C6: variants seen among roughly 807,000 people sequenced by gnomAD.
C6 encodes the protein complement component C6.
In C6, 101 loss-of-function variants were observed where a neutral mutation model predicts 112.9. The observed-to-expected ratio is 0.89, with a 90% CI of 0.76 to 1.06. The LOEUF is 1.06. Among genes scored for constraint, C6 ranks in the 50% least tolerant of loss-of-function variants. The probability of loss-of-function intolerance (pLI) is 0.00; values close to 1 mark genes in which losing one functional copy is unlikely to be tolerated. For missense variants in C6, 1,202 were observed against 1,104.6 expected, an observed-to-expected ratio of 1.09 and a Z score of -1.25; for synonymous variants, 431 against 384.1, an observed-to-expected ratio of 1.12 and a Z score of -1.43.
chr5:41,173,341 T>C (rs1448946991), intron 8 of C6, among the ~76,000 whole-genome samples: 3 of 152,164 alleles, frequency 2.0e-5, no homozygotes, highest in Non-Finnish European at 4.4e-5. Flanking sequence ...CCTGTGATCA[T>C]TCTCAATGGC....
intron 9 of C6, among the ~76,000 whole-genome samples, chr5:41,168,589 C>T (rs1218644612): frequency 6.6e-6 from 1 of 152,058 alleles, no homozygotes; most frequent in Non-Finnish European, 1.5e-5. Context: ...TCTTTGACTC[C>T]TTCTGACTTC....
chr5:41,171,283 T>G (rs1748403748), intron 9 of C6, among the ~76,000 whole-genome samples: 1 of 152,140 alleles, frequency 6.6e-6, no homozygotes. Context: ...TTTGGCTGAT[T>G]TAGTTGACGG....
At position 41,200,891 on chromosome 5, in the gene C6, G is replaced by GTTTTTTTTTTTTTTTTTTTTTT. The variant is rs143443464; in HGVS notation, c.300+645_300+666dup. 1.3e-4 allele frequency among the ~76,000 whole-genome samples: 9 copies of GTTTTTTTTTTTTTTTTTTTTTT among 70,652 alleles called. 1 individual carries two copies. Among genetic ancestry groups the GTTTTTTTTTTTTTTTTTTTTTT allele is most frequent in the African/African-American group, 1.9e-4 (3 of 15,466 alleles). The allele number at this position is 70,652 out of a possible 152,430, so 46.4% of individuals were successfully genotyped here. The stretch of plus-strand genomic sequence containing the variant: ...TGTTTTTGTTGTTGTTGTTGTTGTT[G>GTTTTTTTTTTTTTTTTTTTTTT]TTTTTTTTTTTTTTTTTTTTTTTTT... On this transcript the variant is annotated intron_variant, in intron 3 of 17. Transcript: ENST00000337836.
At position 41,149,458 on chromosome 5, in the gene C6, C is replaced by G. The variant is rs779477780; in HGVS notation, c.2406G>C (p.Val802=). Residue 802 remains valine (V), a synonymous_variant, in exon 17 of 18, where the codon GTG becomes GTC. Coordinates refer to ENST00000337836, the MANE Select transcript of C6 (RefSeq NM_000065.5). ...AGTAATCGTTGGAGTCTGTGTCAAA[C>G]ACACAGAGATCTTCTGAATGATGGC... ...DCSHHSEDLC[V]FDTDSNDYFT... is the part of the protein sequence containing the mutation. The G allele has an allele frequency of 1.2e-6, 2 of 1,613,908 alleles. No homozygotes were observed. The highest frequency in any genetic ancestry group is 1.7e-6 in the Non-Finnish European group (2 of 1,179,876).
intron 1 of C6, among the ~76,000 whole-genome samples, chr5:41,230,217 G>C (rs1451606810): frequency 2.6e-5 from 4 of 152,044 alleles, no homozygotes; most frequent in Non-Finnish European, 4.4e-5. Context: ...GAAAAGAACA[G>C]CATAACAGGG....
chr5:41,169,434 G>A (rs1332927867), intron 9 of C6, among the ~76,000 whole-genome samples: 1 of 152,022 alleles, frequency 6.6e-6, no homozygotes. Flanking sequence ...AACCCAGAAC[G>A]GCTGGGTTAC....
intron 1 of C6, among the ~76,000 whole-genome samples, chr5:41,240,959 C>T (rs1740670050): frequency 6.6e-6 from 1 of 152,156 alleles, no homozygotes; most frequent in African/African-American, 2.4e-5. Flanking sequence ...ATTAGAGCCC[C>T]TGATGCTATG....
chr5:41,250,379 C>A (rs1369641708), intron 1 of C6, among the ~76,000 whole-genome samples: 1 of 152,254 alleles, frequency 6.6e-6, no homozygotes. Flanking sequence ...TGTTGTCTAC[C>A]TGTGGTCCTA....
rs758413889 is a variant in C6 at position 41,142,999 on chromosome 5, A to C, written c.2631T>G (p.Thr877=). Reference sequence around the variant, plus strand: ...GGGGCAATAGGCAGACACATTTGGAAGTGGAGGCTGTAATGAGAGAGAGAG... The same window carrying C: ...GGGGCAATAGGCAGACACATTTGGACGTGGAGGCTGTAATGAGAGAGAGAG... ...CYDWEKCSAS[T]SKCVCLLPPQ... The change falls in exon 18 of 18, where the codon ACT becomes ACG. Residue 877 remains threonine, a synonymous_variant. Coordinates refer to ENST00000337836, the MANE Select transcript of C6 (RefSeq NM_000065.5). 16 of 1,613,268 alleles carry C rather than the reference A, an allele frequency of 9.9e-6. No homozygotes were observed. The South Asian group carries it at 1.5e-4, about 16-fold the overall frequency.
Position 41,144,352 on chromosome 5 carries a change from C to T in C6, c.2624-1346G>A, listed in dbSNP as rs138465882. ...GCACAATCATGGCTCACTGCACCCT[C>T]GAACTCCTAGGTTCAAGAGATCCTC... On this transcript the variant is annotated intron_variant, in intron 17 of 17. Transcript: ENST00000337836. Among the ~76,000 whole-genome samples the T allele has an allele frequency of 3.4e-3, 524 of 152,240 alleles. 11 individuals are homozygous for T. Among genetic ancestry groups the T allele is most frequent in the Admixed American group, 0.031 (471 of 15,282 alleles).
rs1199781935 is a variant in C6 at position 41,176,507 on chromosome 5, T to C, written c.1136A>G (p.Tyr379Cys). ...CTTTAGTTCCTCACTGCTAAACTGA[T>C]AGAGAAGGTCATACACGCCTCCCAG... ...GSLGGVYDLL[Y>C]QFSSEELKNS... is the part of the protein sequence containing the mutation. Residue 379 changes from tyrosine (Y) to cysteine (C), a missense_variant, in exon 8 of 18, where the codon TAT becomes TGT. By Grantham distance (194) the Tyr-to-Cys change is radical (BLOSUM62 -2). Coordinates refer to ENST00000337836, the MANE Select transcript of C6 (RefSeq NM_000065.5). 6.2e-7 allele frequency: 1 copy of C among 1,613,780 alleles called. No individual in the cohort carries two copies. The highest frequency in any genetic ancestry group is 8.5e-7 in the Non-Finnish European group (1 of 1,179,810).
intron 1 of C6, among the ~76,000 whole-genome samples, chr5:41,250,960 GAC>G (rs781156885): frequency 2.8e-4 from 42 of 152,124 alleles, no homozygotes; most frequent in African/African-American, 9.4e-4. Flanking sequence ...AAAATAATTT[GAC>G]ACATTACTTT....
chr5:41,146,091 C>CT (rs1745794283), intron 17 of C6, among the ~76,000 whole-genome samples: 4 of 152,244 alleles, frequency 2.6e-5, no homozygotes, highest in South Asian at 2.1e-4. Context: ...TGTTACTCCT[C>CT]CAAAAATTTG....
intron 6 of C6, among the ~76,000 whole-genome samples, chr5:41,184,777 C>A (rs1458587810): frequency 6.6e-6 from 1 of 152,006 alleles, no homozygotes; most frequent in African/African-American, 2.4e-5. Flanking sequence ...CCCGGCTAAG[C>A]CTAAATTTTC....
At chr5:41,150,060 C>T (rs764378765) in intron 15 of C6, 35 bp from the exon 16 acceptor site, 3 of 1,291,746 alleles carry the variant, frequency 2.3e-6, no homozygotes, top group African/African-American at 2.9e-5. Flanking sequence ...AAGAACAGTG[C>T]ACAGCATGGA....
intron 12 of C6, 76 bp from the exon 13 acceptor site, chr5:41,158,861 A>T (rs1580067399): frequency 9.8e-7 from 1 of 1,017,440 alleles, no homozygotes; most frequent in Non-Finnish European, 1.6e-6. Flanking sequence ...GCTTATGTGT[A>T]TACATGTGTA....
At chr5:41,254,151 C>T (rs921458389) in intron 1 of C6, among the ~76,000 whole-genome samples, 1 of 152,134 alleles carries the variant, frequency 6.6e-6, no homozygotes, top group Non-Finnish European at 1.5e-5. Flanking sequence ...CCTATAATCC[C>T]AGCACTTTGG....
chr5:41,228,974 G>T (rs1365950794), intron 1 of C6, among the ~76,000 whole-genome samples: 1 of 152,128 alleles, frequency 6.6e-6, no homozygotes, highest in African/African-American at 2.4e-5. Context: ...TTACATTGTA[G>T]AATGAGTCAG....
chr5:41,199,703 G>T, intron 4 of C6, 65 bp downstream of exon 4: 1 of 1,459,142 alleles, frequency 6.9e-7, no homozygotes, highest in Non-Finnish European at 9.6e-7. Context: ...TTAGTCAATT[G>T]GAGTAACTTT....
Sources: gnomAD v4.1 joint callset for allele counts (sites outside exome capture counted in the v4.1 genomes callset) on GRCh38, gnomAD v4.1.1 for gene constraint, MANE v1.5 for transcripts, NCBI Gene and HGNC (gene_info 2026-07-23, HGNC 2026-07-21) for gene names.